CCN6: variants seen among roughly 807,000 people sequenced by gnomAD.
CCN6 encodes the protein CCN family member 6.
CCN6 carries 31 observed loss-of-function variants against 37.4 expected under a neutral mutation model. The observed-to-expected ratio is 0.83, with a 90% CI of 0.62 to 1.12. The LOEUF is 1.12. Among genes scored for constraint, CCN6 ranks in the 50% most tolerant of loss-of-function variants. The pLI is 0.00. For synonymous variants in CCN6, 137 were observed against 142.1 expected (o/e 0.96, Z 0.26); for missense variants, 369 against 413.8 (o/e 0.89, Z 0.94).
chr6:112,054,003 C>T, upstream of CCN6: 2 of 454,642 alleles, frequency 4.4e-6, no homozygotes, highest in Non-Finnish European at 4.1e-6. Flanking sequence ...CACCCGTTGT[C>T]GGGGGCAGGC....
At chr6:112,063,314 C>T (rs1473058027) in intron 2 of CCN6, among the ~76,000 whole-genome samples, 2 of 152,160 alleles carry the variant, frequency 1.3e-5, no homozygotes, top group Admixed American at 1.3e-4. Context: ...GTGACAGTGC[C>T]TTAAAAATTA....
Position 112,056,164 on chromosome 6 carries a change from T to C in CCN6, c.48+1759T>C, listed in dbSNP as rs1776342954. Among the ~76,000 whole-genome samples, 3 of 152,346 alleles carry C rather than the reference T, an allele frequency of 2.0e-5. No individual in the cohort carries two copies. In the Middle Eastern group the frequency reaches 0.01, roughly 522 times the overall value. On this transcript the variant is annotated intron_variant, in intron 1 of 4. Coordinates refer to ENST00000368666, the MANE Select transcript of CCN6 (RefSeq NM_198239.2). ...TTTATATTTACCCACATATTGACTA[T>C]GTCCAGGCCTCTTCATTTCTTCCTG...
chr6:112,055,897 G>A (rs1311595511), intron 1 of CCN6, among the ~76,000 whole-genome samples: 1 of 152,100 alleles, frequency 6.6e-6, no homozygotes, highest in Non-Finnish European at 1.5e-5. Flanking sequence ...GCCCAAGGGT[G>A]CTTTAGTTAT....
intron 3 of CCN6, among the ~76,000 whole-genome samples, chr6:112,065,587 C>T (rs1016327148): frequency 6.5e-5 from 7 of 107,416 alleles, no homozygotes; most frequent in African/African-American, 1.1e-4. Flanking sequence ...AACACACACA[C>T]GCACACACAC....
At position 112,061,077 on chromosome 6, in the gene CCN6, A is replaced by G. The variant is rs1554312731; in HGVS notation, c.135A>G (p.Lys45=). 1 of 1,614,162 alleles carries G rather than the reference A, an allele frequency of 6.2e-7. No homozygotes were observed. Reference sequence around the variant, plus strand: ...AAGTGTCAGATGCACCTCAGCGTAAACAGTTTTGTCACTGGCCCTGCAAAT... The same window carrying G: ...AAGTGTCAGATGCACCTCAGCGTAAGCAGTTTTGTCACTGGCCCTGCAAAT... ...PGEVSDAPQR[K]QFCHWPCKCP... The change falls in exon 2 of 5, where the codon AAA becomes AAG. Residue 45 remains lysine, a synonymous_variant. Coordinates refer to ENST00000368666, the MANE Select transcript of CCN6 (RefSeq NM_198239.2).
chr6:112,053,613 T>C (rs75474380), upstream of CCN6, among the ~76,000 whole-genome samples: 676 of 152,178 alleles, frequency 4.4e-3, 7 homozygotes, highest in African/African-American at 0.016. Context: ...TTCATTGTCA[T>C]CTGTCATGGA....
intron 4 of CCN6, 84 bp downstream of exon 4, chr6:112,068,482 G>A (rs1776768224): frequency 1.6e-6 from 2 of 1,256,102 alleles, no homozygotes; most frequent in Admixed American, 2.3e-5. Flanking sequence ...GGGTGGGATG[G>A]TGTTTAGTTC....
At position 112,054,260 on chromosome 6, in the gene CCN6, T is replaced by C. The variant is rs966693225; in HGVS notation, c.-98T>C. ...GTGTGTGTTCTTGTGCAGAGGAGCG[T>C]GGGGTTTGCAGAGGAGACAGGGGAG... On this transcript the variant is annotated 5_prime_UTR_variant, in exon 1 of 5. Coordinates refer to ENST00000368666, the MANE Select transcript of CCN6 (RefSeq NM_198239.2). 6.5e-7 allele frequency: 1 copy of C among 1,543,548 alleles called. No individual in the cohort carries two copies. The highest frequency in any genetic ancestry group is 1.1e-5 in the South Asian group (1 of 89,682).
intron 1 of CCN6, among the ~76,000 whole-genome samples, chr6:112,056,412 GTTC>G (rs1484247317): frequency 4.0e-5 from 6 of 151,522 alleles, no homozygotes; most frequent in Non-Finnish European, 8.8e-5. Flanking sequence ...TGGGCATCTT[GTTC>G]TTCTCCATCT....
chr6:112,061,231 G>A lies in CCN6; in HGVS notation c.289G>A (p.Gly97Arg), dbSNP rs372770731. Residue 97 changes from glycine (G) to arginine (R), a missense_variant, in exon 2 of 5, where the codon GGG becomes AGG. Coordinates refer to ENST00000368666, the MANE Select transcript of CCN6 (RefSeq NM_198239.2). ...NEADLCDPHKGLYCDYSVDRP... is the reference protein window; with the variant it reads ...NEADLCDPHKRLYCDYSVDRP... ...AGCTGACCTCTGTGACCCACACAAA[G>A]GGCTGTATTGTGACTACTCAGTAGA... 2.5e-6 allele frequency: 4 copies of A among 1,614,068 alleles called. No homozygotes were observed. Among genetic ancestry groups the A allele is most frequent in the Non-Finnish European group, 3.4e-6 (4 of 1,180,038 alleles).
At chr6:112,063,828 A>G (rs1776598595) in intron 2 of CCN6, among the ~76,000 whole-genome samples, 1 of 152,234 alleles carries the variant, frequency 6.6e-6, no homozygotes, top group African/African-American at 2.4e-5. Context: ...TACCAATGAC[A>G]TAGTTCCTTA....
upstream of CCN6, chr6:112,054,000 T>G: frequency 2.2e-6 from 1 of 448,286 alleles, no homozygotes; most frequent in Non-Finnish European, 4.1e-6. Context: ...CCCCACCCGT[T>G]GTCGGGGGCA....
intron 2 of CCN6, among the ~76,000 whole-genome samples, chr6:112,063,516 T>G (rs587656852): frequency 2.0e-5 from 3 of 152,192 alleles, no homozygotes; most frequent in Non-Finnish European, 4.4e-5. Flanking sequence ...CACTTAATTA[T>G]GTAATATCTA....
chr6:112,061,048 G>A lies in CCN6; in HGVS notation c.106G>A (p.Gly36Arg). ...PLDTTPEGRP[G>R]EVSDAPQRKQ... ...AGATACAACACCTGAAGGAAGGCCT[G>A]GAGAAGTGTCAGATGCACCTCAGCG... is the stretch of plus-strand genomic sequence containing the variant. The change falls in exon 2 of 5, where the codon GGA becomes AGA. Residue 36 changes from glycine to arginine, a missense_variant. Coordinates refer to ENST00000368666, the MANE Select transcript of CCN6 (RefSeq NM_198239.2). 1 of 1,614,184 alleles carries A rather than the reference G, an allele frequency of 6.2e-7. No individual in the cohort carries two copies. The highest frequency in any genetic ancestry group is 8.5e-7 in the Non-Finnish European group (1 of 1,180,024).
intron 1 of CCN6, among the ~76,000 whole-genome samples, chr6:112,060,397 A>T (rs929057436): frequency 6.6e-6 from 1 of 152,186 alleles, no homozygotes; most frequent in Non-Finnish European, 1.5e-5. Flanking sequence ...AGGTGTAATA[A>T]ACAGGATTTA....
At chr6:112,066,952 G>A in intron 3 of CCN6, 1 of 1,365,366 alleles carries the variant, frequency 7.3e-7, no homozygotes, top group Non-Finnish European at 9.8e-7. Flanking sequence ...AATCTAACCT[G>A]CCTTTATTTA....
In CCN6 at chr6:112,065,433, C is replaced by A. The variant is rs183661158; in HGVS notation, c.589+436C>A. Among the ~76,000 whole-genome samples, 316 of 152,134 alleles carry A rather than the reference C, an allele frequency of 2.1e-3. 1 individual carries two copies. The highest frequency in any genetic ancestry group is 3.5e-3 in the Non-Finnish European group (240 of 68,000). ...ATGTGATACAGGCAGAAATGGGAGG[C>A]TACTGCTGAAAAATATTTAAGAACT... On this transcript the variant is annotated intron_variant, in intron 3 of 4. Coordinates refer to ENST00000368666, the MANE Select transcript of CCN6 (RefSeq NM_198239.2).
At chr6:112,053,158 G>C (rs1490186023), upstream of CCN6, among the ~76,000 whole-genome samples, 1 of 152,102 alleles carries the variant, frequency 6.6e-6, no homozygotes, top group Non-Finnish European at 1.5e-5. Context: ...AATGAAGATG[G>C]GAACACAGAC....
Position 112,068,338 on chromosome 6 carries a change from A to G in CCN6, c.723A>G (p.Arg241=), listed in dbSNP as rs1405248330. Residue 241 remains arginine, a synonymous_variant, in exon 4 of 5, where the codon AGA becomes AGG. Transcript: ENST00000368666. ...VTNENSNCEM[R]KEKRLCYIQP... ...ATGAAAACAGCAACTGTGAAATGAG[A>G]AAAGAGAAAAGACTGTGTTACATTC... 6.2e-7 allele frequency: 1 copy of G among 1,613,226 alleles called. No homozygotes were observed. Among genetic ancestry groups the G allele is most frequent in the African/African-American group, 1.3e-5 (1 of 74,902 alleles).
Sources: gnomAD v4.1 joint callset for allele counts (sites outside exome capture counted in the v4.1 genomes callset) on GRCh38, gnomAD v4.1.1 for gene constraint, MANE v1.5 for transcripts, NCBI Gene and HGNC (gene_info 2026-07-23, HGNC 2026-07-21) for gene names.